Variants in KIAA0825 observed in about 807,000 individuals in gnomAD.
KIAA0825 encodes the protein uncharacterized protein KIAA0825.
KIAA0825 carries 119 observed loss-of-function variants against 147.6 expected under a neutral mutation model. The observed-to-expected ratio is 0.81, with a 90% CI of 0.69 to 0.94. KIAA0825 has a LOEUF of 0.94. Ranked by LOEUF, KIAA0825 falls within the 40% of genes least tolerant of loss-of-function variation. KIAA0825 has a pLI of 0.00. For missense variants in KIAA0825, 1,381 were observed against 1,472.7 expected (o/e 0.94, Z 1.02); for synonymous variants, 470 against 518.1 (o/e 0.91, Z 1.26).
intron 20 of KIAA0825, among the ~76,000 whole-genome samples, chr5:94,224,082 C>CTTTTTTTTTTTTTTTTTTTT (rs869059424): frequency 1.8e-4 from 10 of 56,474 alleles, no homozygotes; most frequent in Admixed American, 2.9e-4. Context: ...TTTTTCTTTT[C>CTTTTTTTTTTTTTTTTTTTT]TTTTTTTTTT....
At chr5:94,340,884 G>T (rs1002291120) in intron 20 of KIAA0825, among the ~76,000 whole-genome samples, 4 of 152,090 alleles carry the variant, frequency 2.6e-5, no homozygotes, top group African/African-American at 9.7e-5. Flanking sequence ...AATGCATAAC[G>T]CAGTGCTGGG....
At chr5:94,456,650 A>T (rs1759154635) in intron 12 of KIAA0825, among the ~76,000 whole-genome samples, 1 of 152,226 alleles carries the variant, frequency 6.6e-6, no homozygotes, top group Non-Finnish European at 1.5e-5. Context: ...TCATTTGTAA[A>T]ATGGGAATTA....
chr5:94,267,501 C>A (rs1776787277), intron 20 of KIAA0825, among the ~76,000 whole-genome samples: 1 of 152,096 alleles, frequency 6.6e-6, no homozygotes, highest in Non-Finnish European at 1.5e-5. Context: ...CCGTGTGTAT[C>A]ACTGAGCCAG....
intron 1 of KIAA0825, among the ~76,000 whole-genome samples, chr5:94,606,589 A>G (rs1787530674): frequency 6.6e-6 from 1 of 152,210 alleles, no homozygotes; most frequent in Non-Finnish European, 1.5e-5. Context: ...TAGGGAGCCC[A>G]TATCAGAAAT....
intron 20 of KIAA0825, among the ~76,000 whole-genome samples, chr5:94,302,186 A>G (rs1355766930): frequency 6.6e-6 from 1 of 152,168 alleles, no homozygotes; most frequent in African/African-American, 2.4e-5. Flanking sequence ...GATAAAATAC[A>G]TCAAGTTTTA....
chr5:94,160,454 CTG>C (rs1406712426), intron 20 of KIAA0825, among the ~76,000 whole-genome samples: 2 of 148,634 alleles, frequency 1.3e-5, no homozygotes, highest in African/African-American at 4.9e-5. Flanking sequence ...TAGTACATTT[CTG>C]TATATATCTG....
rs534135102 is a variant in KIAA0825, at chr5:94,242,829, T to C, written c.3711-88705A>G. Reference sequence around the variant, plus strand: ...TTAGTAGAGATTAGGTTTTGCTATGTTGTCTGGTCTCAAACTCCTGACCTC... The same window carrying C: ...TTAGTAGAGATTAGGTTTTGCTATGCTGTCTGGTCTCAAACTCCTGACCTC... On this transcript the variant is annotated intron_variant, in intron 20 of 20. Transcript: ENST00000682413. 3.0e-4 allele frequency among the ~76,000 whole-genome samples: 45 copies of C among 152,260 alleles called. No individual in the cohort carries two copies. In the East Asian group the frequency reaches 3.9e-3, roughly 13 times the overall value.
Position 94,512,079 on chromosome 5 carries a change from A to G in KIAA0825, c.970+8169T>C, listed in dbSNP as rs147705799. 8.2e-3 allele frequency among the ~76,000 whole-genome samples: 1,248 copies of G among 152,262 alleles called. 24 individuals carry two copies. Among genetic ancestry groups the G allele is most frequent in the African/African-American group, 0.029 (1,194 of 41,574 alleles). ...AAAATTTTCATACTCATACATACAT[A>G]ATTACAATGAAAAATATTCTATCAT... On this transcript the variant is annotated intron_variant, in intron 5 of 20. Coordinates refer to ENST00000682413, the MANE Select transcript of KIAA0825 (RefSeq NM_001145678.3).
At chr5:94,205,324 C>T (rs897327566) in intron 20 of KIAA0825, among the ~76,000 whole-genome samples, 1 of 117,410 alleles carries the variant, frequency 8.5e-6, no homozygotes. Context: ...GTTTTTGAGA[C>T]GGAGTCTTGC....
chr5:94,333,249 T>G (rs1406852515), intron 20 of KIAA0825, among the ~76,000 whole-genome samples: 4 of 152,194 alleles, frequency 2.6e-5, no homozygotes, highest in Non-Finnish European at 5.9e-5. Context: ...CATTTGTCAA[T>G]TGTGGCTTTT....
At chr5:94,607,540 C>T (rs1236125967) in intron 1 of KIAA0825, among the ~76,000 whole-genome samples, 1 of 152,110 alleles carries the variant, frequency 6.6e-6, no homozygotes, top group African/African-American at 2.4e-5. Flanking sequence ...ACCCACGAGA[C>T]GGAGGTTGTA....
chr5:94,339,961 A>G (rs1350573306), intron 20 of KIAA0825, among the ~76,000 whole-genome samples: 2 of 152,232 alleles, frequency 1.3e-5, no homozygotes, highest in Non-Finnish European at 2.9e-5. Context: ...ATTATGGGTT[A>G]AAGAAAGCAT....
chr5:94,460,157 T>C (rs991525463), intron 12 of KIAA0825, among the ~76,000 whole-genome samples: 1 of 152,118 alleles, frequency 6.6e-6, no homozygotes, highest in South Asian at 2.1e-4. Flanking sequence ...TGTATGAACA[T>C]GTATGTGAAT....
At chr5:94,511,775 G>T (rs1766514803) in intron 5 of KIAA0825, among the ~76,000 whole-genome samples, 1 of 152,042 alleles carries the variant, frequency 6.6e-6, no homozygotes, top group Admixed American at 6.6e-5. Flanking sequence ...ATCTCCTGGG[G>T]TCAGGAGTTT....
chr5:94,602,225 C>A (rs1786610532), intron 1 of KIAA0825, among the ~76,000 whole-genome samples: 1 of 152,088 alleles, frequency 6.6e-6, no homozygotes, highest in Non-Finnish European at 1.5e-5. Context: ...GTAGCGGGCA[C>A]CTGTAGTCCC....
intron 20 of KIAA0825, among the ~76,000 whole-genome samples, chr5:94,242,988 T>G (rs1583948252): frequency 6.6e-6 from 1 of 152,312 alleles, no homozygotes; most frequent in East Asian, 1.9e-4. Flanking sequence ...TTGAGCATTT[T>G]TCTGTTTCCT....
At chr5:94,237,234 T>TA (rs1295244923) in intron 20 of KIAA0825, among the ~76,000 whole-genome samples, 3 of 152,188 alleles carry the variant, frequency 2.0e-5, no homozygotes, top group Non-Finnish European at 4.4e-5. Context: ...TAAACTGAGC[T>TA]ACACTGAAAA....
intron 5 of KIAA0825, among the ~76,000 whole-genome samples, chr5:94,518,528 T>C (rs939725259): frequency 6.6e-6 from 1 of 152,138 alleles, no homozygotes; most frequent in African/African-American, 2.4e-5. Context: ...GTCCCAGAAA[T>C]AGAAAGATCT....
At chr5:94,164,247 C>A (rs1767827882) in intron 20 of KIAA0825, among the ~76,000 whole-genome samples, 1 of 152,078 alleles carries the variant, frequency 6.6e-6, no homozygotes, top group South Asian at 2.1e-4. Context: ...ATAGCCAAAA[C>A]AATCCTACAC....
Sources: allele counts gnomAD v4.1 joint callset (sites outside exome capture counted in the v4.1 genomes callset), GRCh38; gene constraint gnomAD v4.1.1; transcripts MANE v1.5; gene names NCBI Gene and HGNC (gene_info 2026-07-23, HGNC 2026-07-21).